Variants in SLC9A9 observed in about 807,000 individuals in gnomAD.
SLC9A9 encodes the protein sodium/hydrogen exchanger 9.
A neutral mutation model predicts 77.8 loss-of-function variants in SLC9A9; 62 were observed. The observed-to-expected ratio is 0.80, with a 90% CI of 0.65 to 0.98. The LOEUF (loss-of-function observed/expected upper bound fraction) is 0.98, where lower values mean the gene tolerates loss of function less well. SLC9A9 is among the 50% of genes least tolerant of loss of function. The pLI is 0.00. For synonymous variants in SLC9A9, 320 were observed against 283.5 expected (o/e 1.13, Z -1.29); for missense variants, 775 against 774.9 (o/e 1.00, Z 0.00).
At chr3:143,814,322 C>G (rs2008947455) in intron 2 of SLC9A9, among the ~76,000 whole-genome samples, 1 of 152,064 alleles carries the variant, frequency 6.6e-6, no homozygotes, top group Admixed American at 6.5e-5. Context: ...CCAGAATCAT[C>G]AGTATGGAAA....
rs776525691 is a variant in SLC9A9 at position 143,795,281 on chromosome 3, G to GAAAAAAA, written c.457-211_457-205dup. ...GACTGGAGGGAAAAGTCAAGAAGCAGAAAAAAAAAAAAAAAAAAACCCACT... is the reference window on the plus strand; with the variant it reads ...GACTGGAGGGAAAAGTCAAGAAGCAGAAAAAAAAAAAAAAAAAAAAAAAAAACCCACT... On this transcript the variant is annotated intron_variant, in intron 3 of 15. Transcript: ENST00000316549. Among the ~76,000 whole-genome samples, 12 of 72,164 alleles carry GAAAAAAA rather than the reference G, an allele frequency of 1.7e-4. 3 individuals carry two copies. Among genetic ancestry groups the GAAAAAAA allele is most frequent in the African/African-American group, 5.7e-4 (11 of 19,202 alleles). 47.3% of individuals were successfully genotyped at this position (72,164 alleles called of 152,430 possible).
chr3:143,569,421 G>A (rs1389867794), intron 8 of SLC9A9, among the ~76,000 whole-genome samples: 2 of 149,460 alleles, frequency 1.3e-5, no homozygotes, highest in African/African-American at 4.9e-5. Flanking sequence ...TGGGTGTTAG[G>A]ACAGGTGACT....
intron 6 of SLC9A9, among the ~76,000 whole-genome samples, chr3:143,610,354 C>T (rs1377626211): frequency 6.6e-6 from 1 of 152,048 alleles, no homozygotes; most frequent in African/African-American, 2.4e-5. Context: ...GCCATGTTGC[C>T]CAGGCTGGTC....
chr3:143,302,519 T>G (rs572706129), intron 14 of SLC9A9, among the ~76,000 whole-genome samples: 1 of 152,098 alleles, frequency 6.6e-6, no homozygotes, highest in Non-Finnish European at 1.5e-5. Context: ...GAGTCCTGAA[T>G]GAGGTTTGTG....
intron 9 of SLC9A9, among the ~76,000 whole-genome samples, chr3:143,534,929 T>A (rs1408408654): frequency 6.6e-6 from 1 of 152,234 alleles, no homozygotes; most frequent in African/African-American, 2.4e-5. Flanking sequence ...CTCTGTGGCA[T>A]AAGCTGAAGC....
chr3:143,576,791 G>T (rs1001700789), intron 7 of SLC9A9, among the ~76,000 whole-genome samples: 1 of 152,144 alleles, frequency 6.6e-6, no homozygotes, highest in African/African-American at 2.4e-5. Flanking sequence ...TGGAAAACAC[G>T]TCGTAGGCAG....
At chr3:143,496,303 T>G (rs1241217293) in intron 9 of SLC9A9, among the ~76,000 whole-genome samples, 1 of 152,222 alleles carries the variant, frequency 6.6e-6, no homozygotes, top group African/African-American at 2.4e-5. Flanking sequence ...AAAGGCAGAT[T>G]TGGAAGACTT....
Position 143,265,707 on chromosome 3 carries a change from G to GC in SLC9A9, c.*994dup. The GC allele has an allele frequency of 2.4e-6, 1 of 420,372 alleles. No homozygotes were observed. The highest frequency in any genetic ancestry group is 4.2e-6 in the Non-Finnish European group (1 of 240,302). The allele number at this position is 420,372 out of a possible 1,614,324, so 26.0% of individuals were successfully genotyped here. Reference sequence around the variant, plus strand: ...ACGCCTTGTAAGGGGGAGACCTGAGGCCCTGTCCTTGGCTCCTCAGTGTAA... The same window carrying GC: ...ACGCCTTGTAAGGGGGAGACCTGAGGCCCCTGTCCTTGGCTCCTCAGTGTAA... On this transcript the variant is annotated 3_prime_UTR_variant, in exon 16 of 16. Coordinates refer to ENST00000316549, the MANE Select transcript of SLC9A9 (RefSeq NM_173653.4).
intron 13 of SLC9A9, among the ~76,000 whole-genome samples, chr3:143,379,493 T>G (rs1036850396): frequency 1.3e-5 from 2 of 152,244 alleles, no homozygotes; most frequent in Admixed American, 1.3e-4. Flanking sequence ...GTAAGTTCTT[T>G]GGTAATCGAA....
At chr3:143,423,130 T>C (rs1196244576) in intron 12 of SLC9A9, among the ~76,000 whole-genome samples, 2 of 152,078 alleles carry the variant, frequency 1.3e-5, no homozygotes, top group Non-Finnish European at 2.9e-5. Flanking sequence ...GGTATTGAAC[T>C]GGAATTGAAG....
chr3:143,572,457 T>C (rs901057200), intron 8 of SLC9A9, among the ~76,000 whole-genome samples: 16 of 152,186 alleles, frequency 1.1e-4, no homozygotes, highest in Non-Finnish European at 2.1e-4. Flanking sequence ...TAAGTTAAAC[T>C]TGAATAGAAT....
At chr3:143,694,533 T>G (rs924287890) in intron 4 of SLC9A9, among the ~76,000 whole-genome samples, 8 of 152,282 alleles carry the variant, frequency 5.3e-5, no homozygotes, top group Admixed American at 2.0e-4. Context: ...TTACTTACCA[T>G]TTCTACTTCT....
rs544730350 is a variant in SLC9A9 at position 143,452,849 on chromosome 3, C to T, written c.1469+14188G>A. Reference sequence around the variant, plus strand: ...ATGTCCTTATTTCTAGGTGCAATAACGGTACTTTGGTTATCTAAGAGAATG... The same window carrying T: ...ATGTCCTTATTTCTAGGTGCAATAATGGTACTTTGGTTATCTAAGAGAATG... On this transcript the variant is annotated intron_variant, in intron 12 of 15. Transcript: ENST00000316549. Among the ~76,000 whole-genome samples the T allele has an allele frequency of 6.6e-5, 10 of 151,786 alleles. No individual in the cohort carries two copies. In the East Asian group the frequency reaches 1.2e-3, roughly 18 times the overall value.
chr3:143,804,419 C>T (rs1046206494), intron 2 of SLC9A9, among the ~76,000 whole-genome samples: 1 of 152,124 alleles, frequency 6.6e-6, no homozygotes, highest in Non-Finnish European at 1.5e-5. Context: ...GAAAATCAAA[C>T]CTCCCCCTCT....
intron 14 of SLC9A9, among the ~76,000 whole-genome samples, chr3:143,350,088 C>T (rs1448801083): frequency 6.6e-6 from 1 of 152,164 alleles, no homozygotes; most frequent in African/African-American, 2.4e-5. Context: ...TTTCTGCCTT[C>T]CTTGTTTCTT....
intron 6 of SLC9A9, among the ~76,000 whole-genome samples, chr3:143,596,994 T>C (rs1346375425): frequency 6.6e-6 from 1 of 152,116 alleles, no homozygotes; most frequent in East Asian, 1.9e-4. Context: ...TATGTCACGG[T>C]AAATCTTTTT....
intron 6 of SLC9A9, among the ~76,000 whole-genome samples, chr3:143,603,182 T>C (rs573904830): frequency 1.1e-4 from 16 of 152,324 alleles, no homozygotes; most frequent in African/African-American, 3.8e-4. Flanking sequence ...CTTTCACCCA[T>C]AGAAGTCATC....
intron 12 of SLC9A9, among the ~76,000 whole-genome samples, chr3:143,408,275 AACTCTT>A (rs2034022785): frequency 6.6e-6 from 1 of 152,104 alleles, no homozygotes; most frequent in Non-Finnish European, 1.5e-5. Context: ...ATTTCTAACA[AACTCTT>A]AGGTGATTTG....
At chr3:143,720,575 A>G (rs962529235) in intron 4 of SLC9A9, among the ~76,000 whole-genome samples, 12 of 152,202 alleles carry the variant, frequency 7.9e-5, no homozygotes, top group Non-Finnish European at 1.8e-4. Flanking sequence ...CTTTCTTCCC[A>G]GTATAAGCCT....
Sources: allele counts gnomAD v4.1 joint callset (sites outside exome capture counted in the v4.1 genomes callset), GRCh38; gene constraint gnomAD v4.1.1; transcripts MANE v1.5; gene names NCBI Gene and HGNC (gene_info 2026-07-23, HGNC 2026-07-21).